ATXN7: variants seen among roughly 807,000 people sequenced by gnomAD.
ATXN7 encodes ataxin 7.
ATXN7 carries 12 observed loss-of-function variants against 70.5 expected under a neutral mutation model. That is an observed-to-expected ratio of 0.17 (90% CI 0.11 to 0.28). ATXN7 has a LOEUF of 0.28. Among genes scored for constraint, ATXN7 ranks in the 10% least tolerant of loss-of-function variants. The pLI is 1.00. For missense variants in ATXN7, 1,256 were observed against 1,131.7 expected, an observed-to-expected ratio of 1.11 and a Z score of -1.58; for synonymous variants, 498 against 448.7, an observed-to-expected ratio of 1.11 and a Z score of -1.39.
At chr3:63,915,625 A>G (rs772553308) in intron 4 of ATXN7, among the ~76,000 whole-genome samples, 2 of 152,180 alleles carry the variant, frequency 1.3e-5, no homozygotes, top group Non-Finnish European at 2.9e-5. Context: ...AAATTGAAGA[A>G]ATATGTAGAT....
intron 1 of ATXN7, among the ~76,000 whole-genome samples, chr3:63,897,483 A>T (rs1703480667): frequency 6.6e-6 from 1 of 152,180 alleles, no homozygotes; most frequent in Non-Finnish European, 1.5e-5. Context: ...GAGATGCTTT[A>T]TTTGTATCTT....
chr3:63,969,375 G>C (rs2075276183), intron 5 of ATXN7, among the ~76,000 whole-genome samples: 1 of 152,164 alleles, frequency 6.6e-6, no homozygotes, highest in Non-Finnish European at 1.5e-5. Context: ...TCAGCAGATA[G>C]TTTTGTCATT....
intron 1 of ATXN7, among the ~76,000 whole-genome samples, chr3:63,882,940 C>G (rs536003104): frequency 6.6e-6 from 1 of 152,264 alleles, no homozygotes; most frequent in South Asian, 2.1e-4. Context: ...AGTGTGTTTT[C>G]CATGCATTCT....
chr3:63,972,265 A>G (rs571129145), intron 5 of ATXN7, among the ~76,000 whole-genome samples: 1 of 152,216 alleles, frequency 6.6e-6, no homozygotes, highest in East Asian at 1.9e-4. Flanking sequence ...GACTGTGTGC[A>G]TGTTTACCTA....
chr3:63,973,731 T>A (rs1211266916), intron 5 of ATXN7, among the ~76,000 whole-genome samples: 1 of 151,928 alleles, frequency 6.6e-6, no homozygotes, highest in Non-Finnish European at 1.5e-5. Context: ...AAGAATTTTA[T>A]TGAGCAATGA....
intron 4 of ATXN7, among the ~76,000 whole-genome samples, chr3:63,923,437 G>A (rs1196661980): frequency 6.6e-6 from 1 of 152,184 alleles, no homozygotes; most frequent in African/African-American, 2.4e-5. Flanking sequence ...TGGGGTTAGG[G>A]GGATTCTAAC....
intron 2 of ATXN7, 21 bp from the exon 3 acceptor site, chr3:63,912,567 C>CTT: frequency 9.0e-7 from 1 of 1,116,058 alleles, no homozygotes; most frequent in Non-Finnish European, 1.1e-6. Context: ...CTCTTTCCCC[C>CTT]TTTTTTTTGT....
chr3:63,916,170 G>A (rs1028748422), intron 4 of ATXN7, among the ~76,000 whole-genome samples: 1 of 152,170 alleles, frequency 6.6e-6, no homozygotes, highest in Non-Finnish European at 1.5e-5. Flanking sequence ...TACTTCCCAA[G>A]GTTATTGTAG....
chr3:63,867,583 G>A (rs913369490), intron 1 of ATXN7, among the ~76,000 whole-genome samples: 3 of 152,186 alleles, frequency 2.0e-5, no homozygotes, highest in Non-Finnish European at 2.9e-5. Flanking sequence ...CTTCAGGCTG[G>A]GCACAGTGGC....
In ATXN7 at chr3:63,889,384, T is replaced by C. The variant is rs142614902; in HGVS notation, c.-110-9015T>C. Among the ~76,000 whole-genome samples the C allele has an allele frequency of 7.6e-3, 1,161 of 152,306 alleles. 16 individuals are homozygous for C. Among genetic ancestry groups the C allele is most frequent in the African/African-American group, 0.024 (1,010 of 41,558 alleles). ...AACATGATATTTAAATGAACAGCAGTTGAAATATTTACATTAATTAACTAA... is the reference window on the plus strand; with the variant it reads ...AACATGATATTTAAATGAACAGCAGCTGAAATATTTACATTAATTAACTAA... On this transcript the variant is annotated intron_variant, in intron 1 of 12. Transcript: ENST00000674280.
chr3:63,971,833 C>T (rs929208853), intron 5 of ATXN7, among the ~76,000 whole-genome samples: 3 of 152,028 alleles, frequency 2.0e-5, no homozygotes, highest in Non-Finnish European at 2.9e-5. Context: ...GGAAAAGGAT[C>T]CAAAATATGG....
chr3:63,954,806 T>G (rs1370451877), intron 5 of ATXN7, among the ~76,000 whole-genome samples: 2 of 151,218 alleles, frequency 1.3e-5, no homozygotes, highest in Admixed American at 1.3e-4. Context: ...CCTCCTGGGT[T>G]CAAGCAATTC....
chr3:63,982,206 T>C lies in ATXN7; in HGVS notation c.773T>C (p.Val258Ala), dbSNP rs1424464291. ...GACAGCATGACACCCTCTGTGAAAG[T>C]GGAAAAGATTCATCCGAAAATGGAT... ...HGRIMTPSVK[V>A]EKIHPKMDGT... Residue 258 changes from valine (V) to alanine (A), a missense_variant, in exon 7 of 13, where the codon GTG becomes GCG. Transcript: ENST00000674280. 3.1e-6 allele frequency: 5 copies of C among 1,613,918 alleles called. No individual in the cohort carries two copies. The East Asian group carries it at 8.9e-5, about 29-fold the overall frequency.
At chr3:63,910,841 TGTATGTGTAA>T (rs2107290398) in intron 2 of ATXN7, among the ~76,000 whole-genome samples, 1 of 152,010 alleles carries the variant, frequency 6.6e-6, no homozygotes, top group South Asian at 2.1e-4. Flanking sequence ...TGTGTGTGTG[TGTATGTGTAA>T]GTATGTGTGT....
At chr3:63,927,682 A>G (rs745382610) in intron 4 of ATXN7, among the ~76,000 whole-genome samples, 1 of 152,156 alleles carries the variant, frequency 6.6e-6, no homozygotes, top group Non-Finnish European at 1.5e-5. Flanking sequence ...CTTTCCCAAG[A>G]TAAACTCTGT....
intron 4 of ATXN7, among the ~76,000 whole-genome samples, chr3:63,921,378 A>C (rs1245725944): frequency 6.6e-6 from 1 of 152,206 alleles, no homozygotes; most frequent in Non-Finnish European, 1.5e-5. Context: ...CAAACAAGAA[A>C]GTTTCAGAAA....
At chr3:63,975,973 CCCT>C (rs2075382411) in intron 5 of ATXN7, among the ~76,000 whole-genome samples, 1 of 152,208 alleles carries the variant, frequency 6.6e-6, no homozygotes, top group African/African-American at 2.4e-5. Flanking sequence ...ATTCATCATG[CCCT>C]CCTCATTCAG....
At chr3:63,893,071 A>G (rs551464314) in intron 1 of ATXN7, among the ~76,000 whole-genome samples, 2 of 152,282 alleles carry the variant, frequency 1.3e-5, no homozygotes, top group Admixed American at 1.3e-4. Context: ...CACAAGCCTC[A>G]ATTTTCTGAT....
In ATXN7 at chr3:64,000,141, A is replaced by G. The variant is rs563826186; in HGVS notation, c.*674A>G. ...AGTTTCTAACTTACAAACTGGTTTG[A>G]AATTTTTGATGCCCAGACAGCAAGT... On this transcript the variant is annotated 3_prime_UTR_variant, in exon 13 of 13. Coordinates refer to ENST00000674280, the MANE Select transcript of ATXN7 (RefSeq NM_001377405.1). 1 of 152,746 alleles carries G rather than the reference A, an allele frequency of 6.5e-6. No homozygotes were observed. Among genetic ancestry groups the G allele is most frequent in the East Asian group, 1.9e-4 (1 of 5,176 alleles). The allele number at this position is 152,746 out of a possible 1,614,324, so 9.5% of individuals were successfully genotyped here. A position where few individuals can be genotyped will look rare whatever the true frequency, so the allele number is the denominator to read the frequency against.
Sources: gnomAD v4.1 joint callset for allele counts (sites outside exome capture counted in the v4.1 genomes callset) on GRCh38, gnomAD v4.1.1 for gene constraint, MANE v1.5 for transcripts, NCBI Gene and HGNC (gene_info 2026-07-23, HGNC 2026-07-21) for gene names.